MXD3: variants seen among roughly 807,000 people sequenced by gnomAD.
The protein encoded by MXD3 is MAX dimerization protein 3.
Under a neutral mutation model 27.5 loss-of-function variants are expected in MXD3, and 20 were observed. The ratio of observed to expected loss-of-function variants is 0.73; its 90% confidence interval spans 0.51 to 1.06. The LOEUF (loss-of-function observed/expected upper bound fraction) is 1.06. Among genes scored for constraint, MXD3 ranks in the 50% least tolerant of loss-of-function variants. The pLI is 0.00. For synonymous variants in MXD3, 150 were observed against 130.7 expected, an observed-to-expected ratio of 1.15 and a Z score of -1.01; for missense variants, 298 against 291.3, an observed-to-expected ratio of 1.02 and a Z score of -0.17.
rs887081351 is a variant in MXD3 at position 177,307,850 on chromosome 5, G to A, written c.436C>T (p.Arg146Trp). The A allele has an allele frequency of 6.2e-6, 10 of 1,610,234 alleles. No individual in the cohort carries two copies. The highest frequency in any genetic ancestry group is 4.4e-5 in the South Asian group (4 of 90,904). Residue 146 changes from arginine (R) to tryptophan (W), a missense_variant, in exon 5 of 6, where the codon CGG becomes TGG. Arg to Trp is a moderately radical substitution (Grantham distance 101). Coordinates refer to ENST00000439742, the MANE Select transcript of MXD3 (RefSeq NM_031300.4). ...AGACTGTCCGCCCGCAGCCGCTCCC[G>A]CTCGGCCGCCCCTGCCAGCCCCCGG... ...QLRGLAGAAE[R>W]ERLRADSLDS...
rs1001261160 is a variant in MXD3 at position 177,311,356 on chromosome 5, C to T, written c.176+23G>A. 10 of 1,336,630 alleles carry T rather than the reference C, an allele frequency of 7.5e-6. No homozygotes were observed. In the African/African-American group the frequency reaches 1.3e-4, roughly 17 times the overall value. 82.8% of individuals were successfully genotyped at this position (1,336,630 alleles called of 1,614,324 possible). A position where few individuals can be genotyped will look rare whatever the true frequency, so the allele number is the denominator to read the frequency against. Reference sequence around the variant, plus strand: ...GGCGGCGCCCACCCCCACCCCCACTCCCGCCGCCCCCGGCCTCCTCACCGC... The same window carrying T: ...GGCGGCGCCCACCCCCACCCCCACTTCCGCCGCCCCCGGCCTCCTCACCGC... On this transcript the variant is annotated intron_variant, in intron 2 of 5. Coordinates refer to ENST00000439742, the MANE Select transcript of MXD3 (RefSeq NM_031300.4).
At chr5:177,310,913 G>T in intron 2 of MXD3, 2 of 614,188 alleles carry the variant, frequency 3.3e-6, no homozygotes, top group Middle Eastern at 4.4e-4. Flanking sequence ...CTGCCCAGGT[G>T]GGTATGAGGG....
At chr5:177,310,046 C>T (rs1030358418) in intron 4 of MXD3, among the ~76,000 whole-genome samples, 1 of 152,172 alleles carries the variant, frequency 6.6e-6, no homozygotes, top group Non-Finnish European at 1.5e-5. Context: ...CAACCCTCTA[C>T]AGTCCCAAGG....
upstream of MXD3, chr5:177,312,234 G>A (rs1473309614): frequency 5.1e-6 from 5 of 987,626 alleles, no homozygotes; most frequent in East Asian, 5.6e-4. Context: ...ACGGCGCTCT[G>A]GGGGCCTGGT....
downstream of MXD3, chr5:177,307,046 C>T: frequency 3.4e-6 from 5 of 1,451,214 alleles, no homozygotes; most frequent in Non-Finnish European, 4.6e-6. Context: ...CTCATTTCTA[C>T]CATCCGTGAA....
downstream of MXD3, chr5:177,306,951 T>C (rs992956355): frequency 1.1e-5 from 11 of 1,006,924 alleles, no homozygotes; most frequent in East Asian, 2.6e-5. Context: ...TTGAATTCAG[T>C]TGGCCCCAGC....
downstream of MXD3, chr5:177,306,794 T>C: frequency 3.7e-6 from 3 of 814,510 alleles, no homozygotes; most frequent in Non-Finnish European, 5.6e-6. Context: ...GGCACAGAGG[T>C]GCGGTGACTT....
downstream of MXD3, chr5:177,306,389 CT>C (rs1191227271): frequency 5.6e-6 from 9 of 1,613,550 alleles, no homozygotes; most frequent in Non-Finnish European, 7.6e-6. Context: ...TTTCAGGCAT[CT>C]TCTAAAGGCA....
chr5:177,310,580 T>C (rs1761011762), intron 3 of MXD3, 40 bp from the exon 4 acceptor site: 6 of 1,611,902 alleles, frequency 3.7e-6, no homozygotes, highest in Non-Finnish European at 5.1e-6. Flanking sequence ...CAGCCCCACC[T>C]TGCCGGCCAC....
At position 177,311,442 on chromosome 5, in the gene MXD3, G is replaced by C; in HGVS notation, c.113C>G (p.Pro38Arg). ...GYASLCPHRS[P>R]GPIHRRKKRP... ...CTTCTTCCTCCTGTGGATGGGGCCT[G>C]GACTGCGATGCGGGCACAGGGACGC... The change falls in exon 2 of 6, where the codon CCA becomes CGA. Residue 38 changes from proline (P) to arginine (R), a missense_variant. Coordinates refer to ENST00000439742, the MANE Select transcript of MXD3 (RefSeq NM_031300.4). 2 of 1,443,500 alleles carry C rather than the reference G, an allele frequency of 1.4e-6. No homozygotes were observed. The highest frequency in any genetic ancestry group is 1.8e-6 in the Non-Finnish European group (2 of 1,102,266). The allele number at this position is 1,443,500 out of a possible 1,614,324, so 89.4% of individuals were successfully genotyped here.
chr5:177,311,006 C>A, intron 2 of MXD3: 1 of 574,666 alleles, frequency 1.7e-6, no homozygotes, highest in Non-Finnish European at 3.1e-6. Flanking sequence ...TTTCCCAAGC[C>A]GGTACTGGAG....
At chr5:177,312,401 C>A, upstream of MXD3, 2 of 984,372 alleles carry the variant, frequency 2.0e-6, no homozygotes, top group South Asian at 9.4e-5. Context: ...TTGGCTGGCG[C>A]TCTGCCCCGC....
chr5:177,310,638 T>G (rs764077549), intron 3 of MXD3, 30 bp downstream of exon 3: 6 of 1,613,996 alleles, frequency 3.7e-6, no homozygotes, highest in African/African-American at 1.3e-5. Flanking sequence ...CCCTGGGGGC[T>G]GGCGCTGTCA....
Position 177,307,949 on chromosome 5 carries a change from C to G in MXD3, c.337G>C (p.Glu113Gln). The G allele has an allele frequency of 1.3e-6, 2 of 1,564,726 alleles. No homozygotes were observed. Among genetic ancestry groups the G allele is most frequent in the Non-Finnish European group, 1.7e-6 (2 of 1,154,872 alleles). Residue 113 changes from glutamate (E) to glutamine (Q), a missense_variant, in exon 5 of 6, where the codon GAG becomes CAG. Glu to Gln is a conservative substitution (Grantham distance 29). Transcript: ENST00000439742. ...RMHIQKLEDQ[E>Q]QRARQLKERL... is the part of the protein sequence containing the mutation. ...TCCTTGAGCTGTCGGGCCCGCTGCT[C>G]CTGATCCTCCAGCTTCTGCGGATCC...
downstream of MXD3, chr5:177,305,866 C>T: frequency 1.2e-6 from 2 of 1,612,872 alleles, no homozygotes; most frequent in Non-Finnish European, 1.7e-6. Context: ...TTGGCCTCTG[C>T]ATAGGTGGTG....
rs1260587374 is a variant in MXD3, at chr5:177,307,304, C to T, written c.*284G>A. 9 of 1,548,430 alleles carry T rather than the reference C, an allele frequency of 5.8e-6. No individual in the cohort carries two copies. The East Asian group carries it at 1.5e-4, about 25-fold the overall frequency. ...GAAGGGAAGAGGCCCAAGAGGCTTC[C>T]TGTCCCCTTGGGGGCAGCAGAGCCA... On this transcript the variant is annotated 3_prime_UTR_variant, in exon 6 of 6. Transcript: ENST00000439742.
Position 177,311,011 on chromosome 5 carries a change from C to G in MXD3, c.177-314G>C, listed in dbSNP as rs534890147. ...GAAACAGATGTTTCCCAAGCCGGTA[C>G]TGGAGGGAGGGGCATTCAAATAGGA... On this transcript the variant is annotated intron_variant, in intron 2 of 5. Transcript: ENST00000439742. 90 of 571,980 alleles carry G rather than the reference C, an allele frequency of 1.6e-4. 1 individual carries two copies. In the Middle Eastern group the frequency reaches 3.3e-3, roughly 21 times the overall value. The allele number at this position is 571,980 out of a possible 1,614,324, so 35.4% of individuals were successfully genotyped here.
At chr5:177,308,165 G>C (rs907747294) in intron 4 of MXD3, 1 of 574,538 alleles carries the variant, frequency 1.7e-6, no homozygotes, top group African/African-American at 1.9e-5. Flanking sequence ...GTCCTGTCAG[G>C]GTGCTGCCTA....
At chr5:177,308,870 C>T (rs1022481326) in intron 4 of MXD3, among the ~76,000 whole-genome samples, 1 of 152,222 alleles carries the variant, frequency 6.6e-6, no homozygotes, top group Non-Finnish European at 1.5e-5. Context: ...CCCTACCTCC[C>T]GCCAAGCTCT....
Sources: gnomAD v4.1 joint callset for allele counts (sites outside exome capture counted in the v4.1 genomes callset) on GRCh38, gnomAD v4.1.1 for gene constraint, MANE v1.5 for transcripts, NCBI Gene and HGNC (gene_info 2026-07-23, HGNC 2026-07-21) for gene names.